The following ADAM15 variants were observed in gnomAD, a reference collection of about 807,000 sequenced individuals.
ADAM15 encodes the protein ADAM metallopeptidase domain 15, also known as disintegrin and metalloproteinase domain-containing protein 15.
ADAM15 carries 77 observed loss-of-function variants against 113.8 expected under a neutral mutation model. The ratio of observed to expected loss-of-function variants is 0.68; its 90% CI spans 0.56 to 0.82. ADAM15 has a LOEUF of 0.82. Ranked by LOEUF, ADAM15 falls within the 40% of genes least tolerant of loss-of-function variation. The probability of loss-of-function intolerance (pLI) is 0.00; values close to 1 mark genes in which losing one functional copy is unlikely to be tolerated. For synonymous variants in ADAM15, 388 were observed against 454.1 expected (o/e 0.85, Z 1.85); for missense variants, 963 against 1,120.1 (o/e 0.86, Z 2.00).
chr1:155,056,046 G>A lies in ADAM15; in HGVS notation c.745-34G>A, dbSNP rs11264302. 785,818 of 1,611,842 alleles carry A rather than the reference G, an allele frequency of 0.49. 202,073 individuals are homozygous for A. Among genetic ancestry groups the A allele is most frequent in the Non-Finnish European group, 0.53 (628,042 of 1,179,828 alleles). ...CCCCCACCCCAGGCCCCTGACCATGGCAACCCCTCTTCTGAGCCCCAGCTG... is the reference window on the plus strand; with the variant it reads ...CCCCCACCCCAGGCCCCTGACCATGACAACCCCTCTTCTGAGCCCCAGCTG... On this transcript the variant is annotated intron_variant, in intron 8 of 22. Coordinates refer to ENST00000356955, the MANE Select transcript of ADAM15 (RefSeq NM_207197.3). This position sits in a 1 kb window ranked among gnomAD's most constrained non-coding sequence, Gnocchi z 4.0.
chr1:155,060,128 C>T, intron 17 of ADAM15, 77 bp from the exon 18 acceptor site: 1 of 1,588,938 alleles, frequency 6.3e-7, no homozygotes, highest in Non-Finnish European at 8.6e-7. Flanking sequence ...CACTTGACTT[C>T]ACTCCCTGCC....
chr1:155,053,435 CT>C lies in ADAM15; in HGVS notation c.206del (p.Leu69ArgfsTer77). The C allele has an allele frequency of 1.9e-6, 3 of 1,614,098 alleles. No homozygotes were observed. The highest frequency in any genetic ancestry group is 2.5e-6 in the Non-Finnish European group (3 of 1,180,028). The stretch of plus-strand genomic sequence containing the variant: ...CCCACAGACCAGTCTGCCTGAGCCC[CT>C]GAGGATCAAGTTGGAGCTGGACGGT... ...KVLQTSLPEP[L>X]RIKLELDGDS... On this transcript the variant is annotated frameshift_variant, in exon 3 of 23. Coordinates refer to ENST00000356955, the MANE Select transcript of ADAM15 (RefSeq NM_207197.3). LOFTEE classifies it high-confidence loss of function.
rs141787686 is a variant in ADAM15, at chr1:155,057,226, G to A, written c.1187G>A (p.Arg396Gln). Residue 396 changes from arginine (R) to glutamine (Q), a missense_variant, in exon 12 of 23, where the codon CGG becomes CAG. Arg to Gln is a conservative substitution (Grantham distance 43, BLOSUM62 1). Transcript: ENST00000356955. This position sits in a 1 kb window ranked among gnomAD's most constrained non-coding sequence, Gnocchi z 5.0. ...PGLNFSNCSRRALEKALLDGM... is the reference protein window; with the variant it reads ...PGLNFSNCSRQALEKALLDGM... Reference sequence around the variant, plus strand: ...CTGAACTTCAGCAACTGCAGCCGACGGGCCCTGGAGAAAGCCCTCCTGGAT... The same window carrying A: ...CTGAACTTCAGCAACTGCAGCCGACAGGCCCTGGAGAAAGCCCTCCTGGAT... The A allele has an allele frequency of 8.0e-5, 129 of 1,613,844 alleles. No homozygotes were observed. In the African/African-American group the frequency reaches 1.5e-3, roughly 19 times the overall value.
intron 1 of ADAM15, 138 bp from the exon 2 acceptor site, chr1:155,052,533 T>C (rs1661200197): frequency 6.5e-7 from 1 of 1,547,880 alleles, no homozygotes; most frequent in Non-Finnish European, 8.7e-7. Context: ...TCTTTAAGTC[T>C]CAGCATGCAA....
At chr1:155,052,372 G>C in intron 1 of ADAM15, 1 of 860,726 alleles carries the variant, frequency 1.2e-6, no homozygotes, top group Non-Finnish European at 1.8e-6. Flanking sequence ...AGTGGGAACC[G>C]GGGAGGGTCC....
At chr1:155,061,774 GC>G (rs902331235) in intron 20 of ADAM15, 129 bp from the exon 21 acceptor site, 1 of 1,078,544 alleles carries the variant, frequency 9.3e-7, no homozygotes, top group Non-Finnish European at 1.3e-6. Flanking sequence ...CAAGCCCTCT[GC>G]GCATGCCCTC....
In ADAM15 at chr1:155,056,989, A is replaced by T; in HGVS notation, c.1036A>T (p.Ile346Leu). ...CAGCATCCTGGGAGTCGCCTCCTCC[A>T]TAGCCCATGAGTTGGGCCACAGCCT... is the stretch of plus-strand genomic sequence containing the variant. ...STSILGVASSIAHELGHSLGL... is the reference protein window; with the variant it reads ...STSILGVASSLAHELGHSLGL... The change falls in exon 11 of 23, where the codon ATA becomes TTA. Residue 346 changes from isoleucine (I) to leucine (L), a missense_variant. Physicochemically the swap from Ile to Leu is conservative, Grantham distance 5. Coordinates refer to ENST00000356955, the MANE Select transcript of ADAM15 (RefSeq NM_207197.3). This position sits in a 1 kb window ranked among gnomAD's most constrained non-coding sequence, Gnocchi z 4.0. 1 of 1,598,528 alleles carries T rather than the reference A, an allele frequency of 6.3e-7. No homozygotes were observed. The highest frequency in any genetic ancestry group is 8.5e-7 in the Non-Finnish European group (1 of 1,172,302).
At position 155,053,841 on chromosome 1, in the gene ADAM15, A is replaced by C. The variant is rs1186369910; in HGVS notation, c.264-69A>C. 3.2e-6 allele frequency: 5 copies of C among 1,564,392 alleles called. No individual in the cohort carries two copies. The African/African-American group carries it at 6.8e-5, about 21-fold the overall frequency. Reference sequence around the variant, plus strand: ...GTCCCCAGCCCCACAACCACCTTCAAGCCTCTGCTTGTCAATGCACGACCT... The same window carrying C: ...GTCCCCAGCCCCACAACCACCTTCACGCCTCTGCTTGTCAATGCACGACCT... On this transcript the variant is annotated intron_variant, in intron 3 of 22. Coordinates refer to ENST00000356955, the MANE Select transcript of ADAM15 (RefSeq NM_207197.3).
intron 3 of ADAM15, 48 bp downstream of exon 3, chr1:155,053,541 T>C (rs748248055): frequency 6.3e-7 from 1 of 1,588,998 alleles, no homozygotes; most frequent in South Asian, 1.1e-5. Flanking sequence ...CAACAACTTG[T>C]ATAGCATTTA....
rs761767675 is a variant in ADAM15, at chr1:155,057,731, T to A, written c.1416+2T>A. 1.9e-6 allele frequency: 3 copies of A among 1,614,012 alleles called. No homozygotes were observed. The African/African-American group carries it at 4.0e-5, about 22-fold the overall frequency. On this transcript the variant is annotated splice_donor_variant, in intron 13 of 22. Transcript: ENST00000356955. LOFTEE classifies it high-confidence loss of function. This position sits in a 1 kb window ranked among gnomAD's most constrained non-coding sequence, Gnocchi z 5.0. Reference sequence around the variant, plus strand: ...GGACCCTGTTGTCAAAATTGCCAGGTGGGTAGAGACTAGACTGGCCACCCG... The same window carrying A: ...GGACCCTGTTGTCAAAATTGCCAGGAGGGTAGAGACTAGACTGGCCACCCG...
Position 155,056,102 on chromosome 1 carries a change from G to T in ADAM15, c.767G>T (p.Arg256Leu), listed in dbSNP as rs771489216. Residue 256 changes from arginine (R) to leucine (L), a missense_variant, in exon 9 of 23, where the codon CGA (arginine) becomes CTA (leucine). Transcript: ENST00000356955. The surrounding 1 kb of genome is among the most constrained non-coding windows in gnomAD (Gnocchi z 4.0). Reference sequence around the variant, plus strand: ...CAGTTCTTCCGGCCCCTGAATGTACGAGTGGCACTAGTGGGCCTGGAGGCC... The same window carrying T: ...CAGTTCTTCCGGCCCCTGAATGTACTAGTGGCACTAGTGGGCCTGGAGGCC... Reference protein sequence around the residue: ...LDTFFRPLNVRVALVGLEAWT... With the variant: ...LDTFFRPLNVLVALVGLEAWT... 6.2e-7 allele frequency: 1 copy of T among 1,613,658 alleles called. No homozygotes were observed. The highest frequency in any genetic ancestry group is 1.7e-5 in the Admixed American group (1 of 60,010).
Position 155,060,314 on chromosome 1 carries a change from C to A in ADAM15, c.2178C>A (p.Cys726Ter). ...GTGCCCGCCTGCACCAGCGACTCTG[C>A]CAGCTCAAGGGACCCACCTGCCAGT... ...WYRARLHQRL[C>*]QLKGPTCQYR... The change falls in exon 18 of 23, where the codon TGC (cysteine) becomes TGA (stop). Residue 726 changes from cysteine to a stop codon, truncating the protein, a stop_gained. Transcript: ENST00000356955. LOFTEE classifies it high-confidence loss of function. 1 of 1,614,122 alleles carries A rather than the reference C, an allele frequency of 6.2e-7. No individual in the cohort carries two copies. The highest frequency in any genetic ancestry group is 8.5e-7 in the Non-Finnish European group (1 of 1,180,000).
intron 16 of ADAM15, 98 bp from the exon 17 acceptor site, chr1:155,059,804 C>A: frequency 7.4e-7 from 1 of 1,356,568 alleles, no homozygotes; most frequent in Non-Finnish European, 1.0e-6. Context: ...ATACCCAGCA[C>A]AACCCCCAGT....
At position 155,056,445 on chromosome 1, in the gene ADAM15, C is replaced by G; in HGVS notation, c.974C>G (p.Pro325Arg). Residue 325 changes from proline to arginine, a missense_variant, in exon 10 of 23, where the codon CCT (proline) becomes CGT (arginine). Coordinates refer to ENST00000356955, the MANE Select transcript of ADAM15 (RefSeq NM_207197.3). The surrounding 1 kb of genome is among the most constrained non-coding windows in gnomAD (Gnocchi z 4.0). ...GMAIQNSICS[P>R]DFSGGVNMDH... Reference sequence around the variant, plus strand: ...GCCATTCAGAACTCCATCTGTTCTCCTGACTTCTCAGGAGGTGTGAACATG... The same window carrying G: ...GCCATTCAGAACTCCATCTGTTCTCGTGACTTCTCAGGAGGTGTGAACATG... The G allele has an allele frequency of 6.2e-7, 1 of 1,614,138 alleles. No homozygotes were observed. Among genetic ancestry groups the G allele is most frequent in the Admixed American group, 1.7e-5 (1 of 60,014 alleles).
intron 19 of ADAM15, 171 bp from the exon 20 acceptor site, chr1:155,061,244 C>T (rs754184019): frequency 3.3e-5 from 20 of 598,040 alleles, no homozygotes; most frequent in Non-Finnish European, 5.4e-5. Context: ...AGTGTGTGCA[C>T]ACCTCCTCCC....
chr1:155,058,391 G>A lies in ADAM15; in HGVS notation c.1867G>A (p.Val623Met). Residue 623 changes from valine to methionine, a missense_variant, in exon 15 of 23, where the codon GTG becomes ATG. Val to Met is a conservative substitution (Grantham distance 21). Coordinates refer to ENST00000356955, the MANE Select transcript of ADAM15 (RefSeq NM_207197.3). The surrounding 1 kb of genome is among the most constrained non-coding windows in gnomAD (Gnocchi z 4.3). Reference sequence around the variant, plus strand: ...GGTGCACCTGGACCTGGGCAGTGATGTGGCCCAGCCCCTCCTGACTCTGCC... The same window carrying A: ...GGTGCACCTGGACCTGGGCAGTGATATGGCCCAGCCCCTCCTGACTCTGCC... ...SWVHLDLGSD[V>M]AQPLLTLPGT... 1.9e-6 allele frequency: 3 copies of A among 1,613,638 alleles called. No homozygotes were observed. Among genetic ancestry groups the A allele is most frequent in the Non-Finnish European group, 2.5e-6 (3 of 1,180,038 alleles).
chr1:155,054,746 C>T (rs1054925300), intron 6 of ADAM15, among the ~76,000 whole-genome samples: 51 of 152,052 alleles, frequency 3.4e-4, no homozygotes, highest in Admixed American at 2.3e-3. Flanking sequence ...GGCGTGCACC[C>T]GTAGTTCCAG....
At chr1:155,053,013 C>T (rs1310945866) in intron 2 of ADAM15, among the ~76,000 whole-genome samples, 2 of 152,120 alleles carry the variant, frequency 1.3e-5, no homozygotes, top group African/African-American at 4.8e-5. Context: ...CATCCATCTC[C>T]ACTGGGGAAA....
intron 16 of ADAM15, among the ~76,000 whole-genome samples, chr1:155,059,622 C>T (rs186701263): frequency 1.1e-3 from 164 of 152,222 alleles, no homozygotes; most frequent in Non-Finnish European, 2.0e-3. Context: ...GAGTGAGACT[C>T]CATCTTACTT....
Sources: allele counts gnomAD v4.1 joint callset (sites outside exome capture counted in the v4.1 genomes callset), GRCh38; gene constraint gnomAD v4.1.1; non-coding constraint Gnocchi (gnomAD v3.1); transcripts MANE v1.5; gene names NCBI Gene and HGNC (gene_info 2026-07-23, HGNC 2026-07-21).